Variants in MARCHF11 observed in about 807,000 individuals in gnomAD.
MARCHF11 encodes the protein membrane associated ring-CH-type finger 11.
In MARCHF11, 29 loss-of-function variants were observed where a neutral mutation model predicts 37.3. The ratio of observed to expected loss-of-function variants is 0.78; its 90% CI spans 0.58 to 1.06. The LOEUF is 1.06. MARCHF11 is among the 50% of genes least tolerant of loss of function. MARCHF11 has a pLI of 0.00. For missense variants in MARCHF11, 482 were observed against 533.4 expected (o/e 0.90, Z 0.95); for synonymous variants, 233 against 228.0 (o/e 1.02, Z -0.20).
At chr5:16,102,735 C>G (rs1036003887) in intron 2 of MARCHF11, among the ~76,000 whole-genome samples, 3 of 152,142 alleles carry the variant, frequency 2.0e-5, no homozygotes, top group Non-Finnish European at 2.9e-5. Flanking sequence ...GGACAAGGAC[C>G]CAGGTGCAGG....
At chr5:16,177,617 A>T (rs368437093) in intron 2 of MARCHF11, 109 bp downstream of exon 2, 18 of 951,910 alleles carry the variant, frequency 1.9e-5, no homozygotes, top group Admixed American at 1.2e-4. Flanking sequence ...TGTAATTTTC[A>T]CAAAATGTTT....
In MARCHF11 at chr5:16,179,153, C is replaced by T; in HGVS notation, c.423G>A (p.Thr141=). ...TGCTGCGGCTGCTGCACACCGAGCG[C>T]GTCTCGGGCTGGTCTCCGGCGCCCC... ...ERRGAGDQPE[T]RSVCSSRSSS... is the part of the protein sequence containing the mutation. Residue 141 remains threonine (T), a synonymous_variant, in exon 1 of 4, where the codon ACG becomes ACA. Transcript: ENST00000332432. 2.1e-6 allele frequency: 3 copies of T among 1,453,686 alleles called. No homozygotes were observed. Among genetic ancestry groups the T allele is most frequent in the Non-Finnish European group, 2.7e-6 (3 of 1,109,548 alleles). The allele number at this position is 1,453,686 out of a possible 1,614,324, so 90.0% of individuals were successfully genotyped here. A position where few individuals can be genotyped will look rare whatever the true frequency, so the allele number is the denominator to read the frequency against.
At chr5:16,139,636 AAAAAAAGCT>A (rs1737669494) in intron 2 of MARCHF11, among the ~76,000 whole-genome samples, 1 of 152,124 alleles carries the variant, frequency 6.6e-6, no homozygotes, top group Admixed American at 6.5e-5. Flanking sequence ...ACCATCCAAT[AAAAAAAGCT>A]ACTTTAAAAC....
chr5:16,135,130 T>C (rs1056352730), intron 2 of MARCHF11, among the ~76,000 whole-genome samples: 1 of 152,132 alleles, frequency 6.6e-6, no homozygotes, highest in African/African-American at 2.4e-5. Context: ...GCAGAACATA[T>C]AAACTTAACA....
At chr5:16,104,922 C>CAT (rs202235559) in intron 2 of MARCHF11, among the ~76,000 whole-genome samples, 2,712 of 151,704 alleles carry the variant, frequency 0.018, 49 homozygotes, top group Middle Eastern at 0.044. Flanking sequence ...GAAACACACA[C>CAT]ACACACACAC....
intron 2 of MARCHF11, among the ~76,000 whole-genome samples, chr5:16,098,854 G>A (rs1446029): frequency 0.35 from 53,302 of 151,140 alleles, 9,977 homozygotes; most frequent in East Asian, 0.56. Context: ...TGAAATTACA[G>A]AAACAATACT....
intron 2 of MARCHF11, among the ~76,000 whole-genome samples, chr5:16,174,715 A>G (rs1284719536): frequency 6.6e-6 from 1 of 152,200 alleles, no homozygotes; most frequent in African/African-American, 2.4e-5. Context: ...GAGTGCTGGA[A>G]GGGAAGTTAT....
Position 16,067,521 on chromosome 5 carries a change from A to T in MARCHF11, c.1159T>A (p.Ser387Thr), listed in dbSNP as rs756290492. 5 of 1,613,910 alleles carry T rather than the reference A, an allele frequency of 3.1e-6. No homozygotes were observed. The South Asian group carries it at 5.5e-5, about 18-fold the overall frequency. ...ACCTCCCCCGAGCTGTTATCTTCTG[A>T]TAAGTCTTCATGGGGCCTCATCCGA... The part of the protein sequence containing the change: ...FNRMRPHEDL[S>T]EDNSSGEVVM... The change falls in exon 4 of 4, where the codon TCA becomes ACA. Residue 387 changes from serine to threonine, a missense_variant. Transcript: ENST00000332432.
At chr5:16,076,828 T>G (rs1736525630) in intron 3 of MARCHF11, among the ~76,000 whole-genome samples, 1 of 152,138 alleles carries the variant, frequency 6.6e-6, no homozygotes, top group South Asian at 2.1e-4. Flanking sequence ...AACTCAGACA[T>G]CGGGAGCCAT....
At chr5:16,141,074 TGG>T (rs1737694279) in intron 2 of MARCHF11, 1 of 152,462 alleles carries the variant, frequency 6.6e-6, no homozygotes, top group African/African-American at 2.4e-5. Flanking sequence ...GCCAAAGCCG[TGG>T]GACTCCGGAT....
At chr5:16,067,868 T>A in intron 3 of MARCHF11, 75 bp from the exon 4 acceptor site, 2 of 1,267,260 alleles carry the variant, frequency 1.6e-6, no homozygotes, top group Admixed American at 2.6e-5. Context: ...TGTATACAAG[T>A]AAGGGATCCA....
chr5:16,095,735 C>T (rs1488387197), intron 2 of MARCHF11, among the ~76,000 whole-genome samples: 2 of 152,150 alleles, frequency 1.3e-5, no homozygotes, highest in Non-Finnish European at 2.9e-5. Flanking sequence ...TGGGCCCCCA[C>T]TGTCTACTAT....
intron 2 of MARCHF11, among the ~76,000 whole-genome samples, chr5:16,169,297 A>C (rs1019115518): frequency 3.3e-5 from 5 of 151,396 alleles, no homozygotes; most frequent in African/African-American, 4.8e-5. Flanking sequence ...TGCCCAAATT[A>C]AGCACTTGGC....
chr5:16,177,634 A>G (rs1560997238), intron 2 of MARCHF11, 92 bp downstream of exon 2: 2 of 1,053,606 alleles, frequency 1.9e-6, no homozygotes, highest in South Asian at 6.7e-5. Context: ...GTTTTTAAGT[A>G]GCATAAGTAA....
At chr5:16,138,618 T>C (rs1737650892) in intron 2 of MARCHF11, among the ~76,000 whole-genome samples, 1 of 152,196 alleles carries the variant, frequency 6.6e-6, no homozygotes, top group Admixed American at 6.5e-5. Flanking sequence ...GGTAGATCCA[T>C]TGACAGTTTG....
intron 2 of MARCHF11, among the ~76,000 whole-genome samples, chr5:16,108,940 A>G (rs2126568797): frequency 6.6e-6 from 1 of 152,236 alleles, no homozygotes; most frequent in African/African-American, 2.4e-5. Flanking sequence ...CAAGGTCACA[A>G]CCTTGAGATG....
chr5:16,072,902 A>G (rs1173223580), intron 3 of MARCHF11, among the ~76,000 whole-genome samples: 2 of 152,140 alleles, frequency 1.3e-5, no homozygotes, highest in Non-Finnish European at 2.9e-5. Context: ...GCACTCCTAG[A>G]GGTATAATAA....
At chr5:16,090,232 G>A (rs555991126) in intron 3 of MARCHF11, among the ~76,000 whole-genome samples, 133 of 152,248 alleles carry the variant, frequency 8.7e-4, no homozygotes, top group African/African-American at 3.0e-3. Context: ...TGCATGATTG[G>A]CTTCCGTTTT....
At chr5:16,101,328 A>G (rs1405445169) in intron 2 of MARCHF11, among the ~76,000 whole-genome samples, 2 of 152,146 alleles carry the variant, frequency 1.3e-5, no homozygotes, top group African/African-American at 4.8e-5. Flanking sequence ...GTGAGCTGAG[A>G]TCGTGCCACT....
Sources: allele counts gnomAD v4.1 joint callset (sites outside exome capture counted in the v4.1 genomes callset), GRCh38; gene constraint gnomAD v4.1.1; transcripts MANE v1.5; gene names NCBI Gene and HGNC (gene_info 2026-07-23, HGNC 2026-07-21).